The following NXPH1 variants were observed in gnomAD, a reference collection of about 807,000 sequenced individuals.
NXPH1 encodes neurexophilin-1.
NXPH1 carries 5 observed loss-of-function variants against 23.7 expected under a neutral mutation model. The observed-to-expected ratio is 0.21, with a 90% CI of 0.11 to 0.44. The LOEUF (loss-of-function observed/expected upper bound fraction) is 0.44, where lower values mean the gene tolerates loss of function less well. NXPH1 is among the 20% of genes least tolerant of loss of function. The pLI, the probability that NXPH1 is intolerant of heterozygous loss-of-function variation, is 0.99. For missense variants in NXPH1, 324 were observed against 321.6 expected (o/e 1.01, Z -0.06); for synonymous variants, 144 against 122.2 (o/e 1.18, Z -1.18).
chr7:8,697,061 G>C (rs1484625969), intron 2 of NXPH1, among the ~76,000 whole-genome samples: 1 of 150,214 alleles, frequency 6.7e-6, no homozygotes, highest in Non-Finnish European at 1.5e-5. Flanking sequence ...AGGAGGCTAA[G>C]GCAGGAGAAT....
chr7:8,659,231 C>T (rs13307406), intron 2 of NXPH1, among the ~76,000 whole-genome samples: 5,977 of 57,692 alleles, frequency 0.1, 546 homozygotes, highest in East Asian at 0.16. Context: ...AGATAATAAA[C>T]GGCCTTAAAC....
At chr7:8,573,852 T>C (rs1234870511) in intron 2 of NXPH1, among the ~76,000 whole-genome samples, 2 of 152,168 alleles carry the variant, frequency 1.3e-5, no homozygotes, top group Non-Finnish European at 2.9e-5. Flanking sequence ...AAAGACATCA[T>C]TGACATTTAC....
chr7:8,742,799 A>G (rs1780389857), intron 2 of NXPH1, among the ~76,000 whole-genome samples: 1 of 152,212 alleles, frequency 6.6e-6, no homozygotes, highest in East Asian at 1.9e-4. Context: ...AAATTAATGT[A>G]AAATTTCATT....
chr7:8,738,292 C>A (rs1333485217), intron 2 of NXPH1, among the ~76,000 whole-genome samples: 4 of 152,108 alleles, frequency 2.6e-5, no homozygotes, highest in Non-Finnish European at 4.4e-5. Flanking sequence ...TGTTGGTGAC[C>A]TTTGGATGGG....
chr7:8,457,946 G>A (rs2128606430), intron 2 of NXPH1, among the ~76,000 whole-genome samples: 1 of 152,292 alleles, frequency 6.6e-6, no homozygotes, highest in Admixed American at 6.5e-5. Flanking sequence ...CTTCCTTCAA[G>A]AGTTAGTCAC....
chr7:8,568,931 TC>T (rs1488769026), intron 2 of NXPH1, among the ~76,000 whole-genome samples: 2 of 151,804 alleles, frequency 1.3e-5, no homozygotes, highest in Non-Finnish European at 2.9e-5. Flanking sequence ...GGATAAGAAT[TC>T]CAAGTTAACA....
chr7:8,738,389 G>A (rs1312684647), intron 2 of NXPH1, among the ~76,000 whole-genome samples: 1 of 152,206 alleles, frequency 6.6e-6, no homozygotes, highest in Non-Finnish European at 1.5e-5. Flanking sequence ...CTCTGCTGCA[G>A]GTCTGTTGGA....
At chr7:8,444,404 G>T (rs944967200) in intron 2 of NXPH1, among the ~76,000 whole-genome samples, 1 of 152,168 alleles carries the variant, frequency 6.6e-6, no homozygotes, top group Non-Finnish European at 1.5e-5. Flanking sequence ...GGGCCAGCCC[G>T]CTAGTTTTCT....
intron 2 of NXPH1, among the ~76,000 whole-genome samples, chr7:8,515,811 T>A (rs1451846079): frequency 1.3e-5 from 2 of 152,160 alleles, no homozygotes; most frequent in African/African-American, 2.4e-5. Flanking sequence ...ATGAATCTGA[T>A]CACATCAGCC....
chr7:8,505,700 G>C (rs1464807710), intron 2 of NXPH1, among the ~76,000 whole-genome samples: 2 of 151,972 alleles, frequency 1.3e-5, no homozygotes, highest in African/African-American at 4.8e-5. Context: ...TTAAAGTTTT[G>C]CATACACTGA....
At chr7:8,739,322 G>C (rs1780321709) in intron 2 of NXPH1, among the ~76,000 whole-genome samples, 1 of 152,018 alleles carries the variant, frequency 6.6e-6, no homozygotes, top group African/African-American at 2.4e-5. Context: ...TGAAGACTAT[G>C]GGAAAAGTGT....
chr7:8,641,940 G>A (rs1027661392), intron 2 of NXPH1, among the ~76,000 whole-genome samples: 1 of 152,146 alleles, frequency 6.6e-6, no homozygotes, highest in Non-Finnish European at 1.5e-5. Flanking sequence ...ATGCCAGGGA[G>A]TTTACCTATA....
At chr7:8,663,702 C>A (rs1212723833) in intron 2 of NXPH1, among the ~76,000 whole-genome samples, 1 of 152,068 alleles carries the variant, frequency 6.6e-6, no homozygotes, top group Non-Finnish European at 1.5e-5. Context: ...CTTGACTAAT[C>A]AGCCAGGGGA....
In NXPH1 at chr7:8,442,639, C is replaced by G. The variant is rs1481097088; in HGVS notation, c.54+6872C>G. 6.6e-6 allele frequency among the ~76,000 whole-genome samples: 1 copy of G among 152,258 alleles called. No individual in the cohort carries two copies. The highest frequency in any genetic ancestry group is 2.4e-5 in the African/African-American group (1 of 41,470). Reference sequence around the variant, plus strand: ...CATACCCTCCCTTCGGAAACTCAGTCCGCTGACCAAAGCCGCAGTGTTCAG... The same window carrying G: ...CATACCCTCCCTTCGGAAACTCAGTGCGCTGACCAAAGCCGCAGTGTTCAG... On this transcript the variant is annotated intron_variant, in intron 2 of 2. Coordinates refer to ENST00000405863, the MANE Select transcript of NXPH1 (RefSeq NM_152745.3). The surrounding 1 kb of genome is among the most constrained non-coding windows in gnomAD (Gnocchi z 4.6).
chr7:8,718,355 T>C (rs916939065), intron 2 of NXPH1, among the ~76,000 whole-genome samples: 9 of 152,290 alleles, frequency 5.9e-5, no homozygotes, highest in South Asian at 2.1e-4. Flanking sequence ...ACCTGAGCAA[T>C]TGGTTCTTGA....
At chr7:8,671,950 GT>G (rs1562450049) in intron 2 of NXPH1, among the ~76,000 whole-genome samples, 2 of 151,994 alleles carry the variant, frequency 1.3e-5, no homozygotes, top group Admixed American at 1.3e-4. Context: ...GGGGTTGTTT[GT>G]TTTTTTCTTG....
chr7:8,508,666 A>G (rs1817567718), intron 2 of NXPH1, among the ~76,000 whole-genome samples: 1 of 151,970 alleles, frequency 6.6e-6, no homozygotes, highest in Non-Finnish European at 1.5e-5. Flanking sequence ...TCTTGAATGT[A>G]AATCCTGGAG....
At chr7:8,439,040 G>C (rs888838056) in intron 2 of NXPH1, among the ~76,000 whole-genome samples, 2 of 152,180 alleles carry the variant, frequency 1.3e-5, no homozygotes, top group African/African-American at 4.8e-5. Context: ...TAAAATTTCA[G>C]ACTATTGAAT....
chr7:8,715,683 G>A (rs1371035458), intron 2 of NXPH1, among the ~76,000 whole-genome samples: 1 of 152,168 alleles, frequency 6.6e-6, no homozygotes, highest in African/African-American at 2.4e-5. Flanking sequence ...TAGGGTTGTG[G>A]AGAAAACACA....
Sources: allele counts gnomAD v4.1 joint callset (sites outside exome capture counted in the v4.1 genomes callset), GRCh38; gene constraint gnomAD v4.1.1; non-coding constraint Gnocchi (gnomAD v3.1); transcripts MANE v1.5; gene names NCBI Gene and HGNC (gene_info 2026-07-23, HGNC 2026-07-21).